GEMIN5: variants seen among roughly 807,000 people sequenced by gnomAD.
GEMIN5 encodes gem-associated protein 5.
In GEMIN5, 124 loss-of-function variants were observed where a neutral mutation model predicts 176.9. That is an observed-to-expected ratio of 0.70 (90% CI 0.61 to 0.81). The LOEUF (loss-of-function observed/expected upper bound fraction) is 0.81. Among genes scored for constraint, GEMIN5 ranks in the 40% least tolerant of loss-of-function variants. The pLI is 0.00. For missense variants in GEMIN5, 1,843 were observed against 1,814.6 expected (o/e 1.02, Z -0.28); for synonymous variants, 673 against 665.2 (o/e 1.01, Z -0.18).
chr5:154,900,425 A>G (rs1763439291), intron 21 of GEMIN5, among the ~76,000 whole-genome samples: 1 of 152,248 alleles, frequency 6.6e-6, no homozygotes. Context: ...CCTTTCTGCC[A>G]TAAAACTAAA....
intron 5 of GEMIN5, among the ~76,000 whole-genome samples, chr5:154,929,074 A>C (rs1764105451): frequency 6.6e-6 from 1 of 152,040 alleles, no homozygotes; most frequent in Non-Finnish European, 1.5e-5. Context: ...ATACAAAAAA[A>C]TTAGCCGGGC....
In GEMIN5 at chr5:154,917,969, T is replaced by C. The variant is rs544316080; in HGVS notation, c.1635A>G (p.Lys545=). The C allele has an allele frequency of 6.2e-7, 1 of 1,612,866 alleles. No homozygotes were observed. The highest frequency in any genetic ancestry group is 1.1e-5 in the South Asian group (1 of 91,060). The change falls in exon 12 of 28, where the codon AAA becomes AAG. Residue 545 remains lysine, a synonymous_variant. Transcript: ENST00000285873. ...CAAGAGCCATGATTTTGCCATCTGC[T>C]TTCCAACTTATCTCTGTGTGTACAG... is the stretch of plus-strand genomic sequence containing the variant. ...KLPVHTEISW[K]ADGKIMALGN...
rs572412494 is a variant in GEMIN5 at position 154,891,323 on chromosome 5, A to G, written c.4180T>C (p.Cys1394Arg). Residue 1394 changes from cysteine to arginine, a missense_variant, in exon 26 of 28, where the codon TGT (cysteine) becomes CGT (arginine). Transcript: ENST00000285873. ...MIRQHQKSQL[C>R]KSTANGPDKN... ...TCAGGACCATTTGCTGTGGATTTACAGAGTTGACTCTTTTGGTGTTGTCGG... is the reference window on the plus strand; with the variant it reads ...TCAGGACCATTTGCTGTGGATTTACGGAGTTGACTCTTTTGGTGTTGTCGG... The G allele has an allele frequency of 6.2e-7, 1 of 1,614,062 alleles. No individual in the cohort carries two copies. The highest frequency in any genetic ancestry group is 1.3e-5 in the African/African-American group (1 of 75,014).
Position 154,901,334 on chromosome 5 carries a change from C to A in GEMIN5, c.3014+5G>T. 1 of 1,613,464 alleles carries A rather than the reference C, an allele frequency of 6.2e-7. No homozygotes were observed. The highest frequency in any genetic ancestry group is 8.5e-7 in the Non-Finnish European group (1 of 1,179,440). ...GTATTATCCCAACTCTAGGACCACA[C>A]AGACCTGTAAAAATGGTTTGACTTG... On this transcript the variant is annotated splice_donor_5th_base_variant and intron_variant, in intron 21 of 27. Transcript: ENST00000285873.
At chr5:154,920,407 A>G (rs1490302900) in intron 10 of GEMIN5, among the ~76,000 whole-genome samples, 2 of 152,216 alleles carry the variant, frequency 1.3e-5, no homozygotes, top group Admixed American at 6.5e-5. Flanking sequence ...AAACAAACAT[A>G]TATGTTCTCA....
In GEMIN5 at chr5:154,911,908, A is replaced by G; in HGVS notation, c.1996-10T>C. 1.2e-6 allele frequency: 2 copies of G among 1,610,150 alleles called. No homozygotes were observed. Among genetic ancestry groups the G allele is most frequent in the Non-Finnish European group, 1.7e-6 (2 of 1,178,258 alleles). On this transcript the variant is annotated splice_polypyrimidine_tract_variant and intron_variant, in intron 14 of 27. Coordinates refer to ENST00000285873, the MANE Select transcript of GEMIN5 (RefSeq NM_015465.5). ...GGAGAGCATCCCACACCTAAACCCAAAAGCACATGGCCGAAAAGACATTTT... is the reference window on the plus strand; with the variant it reads ...GGAGAGCATCCCACACCTAAACCCAGAAGCACATGGCCGAAAAGACATTTT...
intron 7 of GEMIN5, 40 bp downstream of exon 7, chr5:154,927,345 C>G (rs1319581769): frequency 3.6e-6 from 5 of 1,406,102 alleles, no homozygotes; most frequent in Non-Finnish European, 5.0e-6. Context: ...AAGTTGTAAA[C>G]TGCTGCTCTA....
chr5:154,936,934 G>T, intron 2 of GEMIN5, 91 bp downstream of exon 2: 1 of 938,200 alleles, frequency 1.1e-6, no homozygotes, highest in Non-Finnish European at 1.6e-6. Context: ...AAGTTACTTT[G>T]CACAGATGAG....
chr5:154,889,869 G>C (rs1423399534), intron 26 of GEMIN5, among the ~76,000 whole-genome samples: 2 of 152,164 alleles, frequency 1.3e-5, no homozygotes, highest in Non-Finnish European at 2.9e-5. Flanking sequence ...CCATTCATCT[G>C]TCAGTGGATA....
At chr5:154,927,080 C>T (rs539812524) in intron 7 of GEMIN5, among the ~76,000 whole-genome samples, 1 of 151,306 alleles carries the variant, frequency 6.6e-6, no homozygotes, top group Non-Finnish European at 1.5e-5. Context: ...ACACTAACAA[C>T]AGCTGATGAA....
At chr5:154,924,276 T>C (rs148146488) in intron 9 of GEMIN5, among the ~76,000 whole-genome samples, 193 bp downstream of exon 9, 55 of 152,200 alleles carry the variant, frequency 3.6e-4, no homozygotes, top group African/African-American at 1.3e-3. Flanking sequence ...AACAGGGAAA[T>C]GAGTTAGAAG....
chr5:154,913,010 A>G lies in GEMIN5; in HGVS notation c.1884T>C (p.Ile628=). The change falls in exon 14 of 28, where the codon ATT becomes ATC. Residue 628 remains isoleucine, a synonymous_variant. Coordinates refer to ENST00000285873, the MANE Select transcript of GEMIN5 (RefSeq NM_015465.5). ...CTGAGAGGGTCCGGTAGGGCTCTGT[A>G]ATGGTCACTGGAGACTCAGGGCTGC... ...IESSPESPVT[I]TEPYRTLSGH... is the part of the protein sequence containing the mutation. The G allele has an allele frequency of 6.2e-7, 1 of 1,613,662 alleles. No individual in the cohort carries two copies. The highest frequency in any genetic ancestry group is 8.5e-7 in the Non-Finnish European group (1 of 1,179,670).
chr5:154,891,307 T>C lies in GEMIN5; in HGVS notation c.4196A>G (p.Asn1399Ser), dbSNP rs1310260169. Residue 1399 changes from asparagine (N) to serine (S), a missense_variant, in exon 26 of 28, where the codon AAT becomes AGT. By Grantham distance (46) the Asn-to-Ser change is conservative (BLOSUM62 1). Coordinates refer to ENST00000285873, the MANE Select transcript of GEMIN5 (RefSeq NM_015465.5). Reference protein sequence around the residue: ...QKSQLCKSTANGPDKNEPEVE... With the variant: ...QKSQLCKSTASGPDKNEPEVE... ...TTCCGGTTCATTCTTATCAGGACCA[T>C]TTGCTGTGGATTTACAGAGTTGACT... 1 of 1,614,068 alleles carries C rather than the reference T, an allele frequency of 6.2e-7. No homozygotes were observed. The highest frequency in any genetic ancestry group is 1.7e-5 in the Admixed American group (1 of 60,008).
intron 19 of GEMIN5, 45 bp downstream of exon 19, chr5:154,903,035 A>T (rs764039021): frequency 1.6e-6 from 2 of 1,233,396 alleles, no homozygotes; most frequent in Non-Finnish European, 2.4e-6. Context: ...AAATGTTGGG[A>T]AAGTATAAAG....
At chr5:154,899,538 TCCTCAAGAA>T (rs1763423527) in intron 21 of GEMIN5, among the ~76,000 whole-genome samples, 2 of 152,148 alleles carry the variant, frequency 1.3e-5, no homozygotes, top group South Asian at 4.1e-4. Flanking sequence ...TCCTAGGGGG[TCCTCAAGAA>T]CCTTTCAGAG....
At chr5:154,906,829 C>T (rs189578989) in intron 16 of GEMIN5, among the ~76,000 whole-genome samples, 3 of 152,306 alleles carry the variant, frequency 2.0e-5, no homozygotes, top group African/African-American at 7.2e-5. Context: ...ATATTCTAGC[C>T]ATTTCAATAC....
chr5:154,897,467 T>G (rs1763373644), intron 23 of GEMIN5, among the ~76,000 whole-genome samples: 1 of 152,192 alleles, frequency 6.6e-6, no homozygotes, highest in Non-Finnish European at 1.5e-5. Flanking sequence ...ATTTAAGAAA[T>G]AAAGAGATTT....
chr5:154,911,658 C>G, intron 15 of GEMIN5, 69 bp downstream of exon 15: 1 of 1,351,662 alleles, frequency 7.4e-7, no homozygotes, highest in Non-Finnish European at 1.0e-6. Context: ...CTTCCTTGCT[C>G]AATCCTGATC....
chr5:154,928,699 T>C, intron 5 of GEMIN5, 40 bp from the exon 6 acceptor site: 1 of 1,598,132 alleles, frequency 6.3e-7, no homozygotes, highest in East Asian at 2.2e-5. Flanking sequence ...CTCAAGACAG[T>C]GAAACTACAT....
Sources: gnomAD v4.1 joint callset for allele counts (sites outside exome capture counted in the v4.1 genomes callset) on GRCh38, gnomAD v4.1.1 for gene constraint, MANE v1.5 for transcripts, NCBI Gene and HGNC (gene_info 2026-07-23, HGNC 2026-07-21) for gene names.